PDS5A: variants seen among roughly 807,000 people sequenced by gnomAD.
PDS5A encodes the protein PDS5 cohesin associated factor A.
Under a neutral mutation model 167.1 loss-of-function variants are expected in PDS5A, and 42 were observed. The observed-to-expected ratio is 0.25, with a 90% confidence interval of 0.20 to 0.33. The LOEUF (loss-of-function observed/expected upper bound fraction) is 0.33, where lower values mean the gene tolerates loss of function less well. Among genes scored for constraint, PDS5A ranks in the 10% least tolerant of loss-of-function variants. The pLI is 1.00. For missense variants in PDS5A, 1,033 were observed against 1,605.9 expected, an observed-to-expected ratio of 0.64 and a Z score of 6.10; for synonymous variants, 553 against 554.6, an observed-to-expected ratio of 1.00 and a Z score of 0.04.
At chr4:39,881,890 C>T (rs1359799841) in intron 17 of PDS5A, among the ~76,000 whole-genome samples, 1 of 152,172 alleles carries the variant, frequency 6.6e-6, no homozygotes, top group Non-Finnish European at 1.5e-5. Context: ...AACATGGGGG[C>T]AGTTTCCTCC....
chr4:39,972,283 AGGCCGAGGTGGGC>A (rs1730622913), intron 2 of PDS5A, among the ~76,000 whole-genome samples: 1 of 151,990 alleles, frequency 6.6e-6, no homozygotes, highest in African/African-American at 2.4e-5. Context: ...GCACTTTGGG[AGGCCGAGGTGGGC>A]GGATCACGAG....
At position 39,845,883 on chromosome 4, in the gene PDS5A, A is replaced by AT; in HGVS notation, c.3340-4dup. On this transcript the variant is annotated splice_region_variant and splice_polypyrimidine_tract_variant and intron_variant, in intron 28 of 32. Transcript: ENST00000303538. ...TAACTCTTATCGTTACAGAAGTCCTATTAAAAAAAAAAAAGAAAAAGAAAA... is the reference window on the plus strand; with the variant it reads ...TAACTCTTATCGTTACAGAAGTCCTATTTAAAAAAAAAAAAGAAAAAGAAAA... 5 of 1,334,558 alleles carry AT rather than the reference A, an allele frequency of 3.7e-6. No homozygotes were observed. Among genetic ancestry groups the AT allele is most frequent in the Non-Finnish European group, 4.9e-6 (5 of 1,026,748 alleles). 82.7% of individuals were successfully genotyped at this position (1,334,558 alleles called of 1,614,324 possible). A position where few individuals can be genotyped will look rare whatever the true frequency, so the allele number is the denominator to read the frequency against.
chr4:39,931,963 C>T (rs1466034226), intron 2 of PDS5A, among the ~76,000 whole-genome samples: 1 of 150,748 alleles, frequency 6.6e-6, no homozygotes, highest in African/African-American at 2.4e-5. Context: ...ATGATCTTGG[C>T]TCACTGCAAT....
At chr4:39,956,149 T>C (rs1728905197) in intron 2 of PDS5A, among the ~76,000 whole-genome samples, 1 of 149,716 alleles carries the variant, frequency 6.7e-6, no homozygotes, top group Non-Finnish European at 1.5e-5. Context: ...TAAAAAACAG[T>C]ATAAGAAAAA....
At chr4:39,890,487 C>A in intron 16 of PDS5A, 123 bp from the exon 17 acceptor site, 1 of 573,250 alleles carries the variant, frequency 1.7e-6, no homozygotes, top group South Asian at 2.6e-5. Context: ...CTGCTCTAGA[C>A]CCTGACTAAA....
intron 2 of PDS5A, among the ~76,000 whole-genome samples, chr4:39,937,970 T>G (rs1016488345): frequency 3.9e-5 from 6 of 152,186 alleles, no homozygotes; most frequent in African/African-American, 1.4e-4. Context: ...GAGCTGTACC[T>G]AACCAGATTG....
At chr4:39,929,519 CTATATATATATA>C (rs58069502) in intron 2 of PDS5A, among the ~76,000 whole-genome samples, 16,224 of 79,418 alleles carry the variant, frequency 0.2, 1,493 homozygotes, top group South Asian at 0.32. Flanking sequence ...ACTTAATAAA[CTATATATATATA>C]TATATATATA....
At chr4:39,913,321 C>T (rs1010101887) in intron 9 of PDS5A, among the ~76,000 whole-genome samples, 2 of 152,016 alleles carry the variant, frequency 1.3e-5, no homozygotes, top group African/African-American at 2.4e-5. Context: ...TCAAGTGATC[C>T]GCCCACCTCA....
chr4:39,860,080 G>GA (rs1286155796), intron 26 of PDS5A, among the ~76,000 whole-genome samples: 6 of 149,874 alleles, frequency 4.0e-5, no homozygotes, highest in East Asian at 1.9e-4. Context: ...TAAAGAGAGA[G>GA]AAAAAAAAAG....
chr4:39,859,276 T>TA (rs1201202192), intron 26 of PDS5A, among the ~76,000 whole-genome samples: 3 of 152,082 alleles, frequency 2.0e-5, no homozygotes, highest in Non-Finnish European at 2.9e-5. Flanking sequence ...TTGAAAAACT[T>TA]AAAAAAACAA....
chr4:39,887,871 T>A (rs1011299288), intron 17 of PDS5A, among the ~76,000 whole-genome samples: 1 of 122,248 alleles, frequency 8.2e-6, no homozygotes, highest in South Asian at 3.3e-4. Flanking sequence ...AACAACTCAA[T>A]AGCAAAATAA....
chr4:39,937,696 T>C (rs1726760430), intron 2 of PDS5A, among the ~76,000 whole-genome samples: 1 of 152,188 alleles, frequency 6.6e-6, no homozygotes, highest in African/African-American at 2.4e-5. Flanking sequence ...TGTAAGCCAC[T>C]GTGTCCAGCC....
chr4:39,926,648 A>C, intron 4 of PDS5A, 127 bp downstream of exon 4: 1 of 615,236 alleles, frequency 1.6e-6, no homozygotes, highest in Non-Finnish European at 2.5e-6. Context: ...TCCTTATGAA[A>C]TGTAAAAGAC....
chr4:39,912,215 C>CT (rs1202938790), intron 9 of PDS5A, among the ~76,000 whole-genome samples: 1 of 152,168 alleles, frequency 6.6e-6, no homozygotes, highest in Non-Finnish European at 1.5e-5. Flanking sequence ...CAGACTGTGA[C>CT]TTGTTTCTAT....
At chr4:39,953,455 G>A (rs1728610744) in intron 2 of PDS5A, among the ~76,000 whole-genome samples, 3 of 151,540 alleles carry the variant, frequency 2.0e-5, no homozygotes, top group African/African-American at 4.8e-5. Context: ...AACACACTGG[G>A]AGTGGTGGCT....
Position 39,904,072 on chromosome 4 carries a change from C to A in PDS5A, c.1353G>T (p.Leu451=), listed in dbSNP as rs1284100065. The A allele has an allele frequency of 6.2e-7, 1 of 1,611,154 alleles. No individual in the cohort carries two copies. The highest frequency in any genetic ancestry group is 8.5e-7 in the Non-Finnish European group (1 of 1,178,366). The change falls in exon 12 of 33, where the codon CTG becomes CTT. Residue 451 remains leucine, a synonymous_variant. Coordinates refer to ENST00000303538, the MANE Select transcript of PDS5A (RefSeq NM_001100399.2). ...CAATGCTGTTCTGATAATAAATATG[C>A]AGAAGTTTGTCCTTTATCCAGCTGA... ...EKVSWIKDKL[L]HIYYQNSIDD... is the part of the protein sequence containing the mutation.
At position 39,903,659 on chromosome 4, in the gene PDS5A, A is replaced by G. The variant is rs78235625; in HGVS notation, c.1385+381T>C. On this transcript the variant is annotated intron_variant, in intron 12 of 32. Transcript: ENST00000303538. Reference sequence around the variant, plus strand: ...ATATTCATTATTTTATTTAATCTACATGATAATCCTGTGGGAAAGGCACTA... The same window carrying G: ...ATATTCATTATTTTATTTAATCTACGTGATAATCCTGTGGGAAAGGCACTA... Among the ~76,000 whole-genome samples the G allele has an allele frequency of 7.2e-3, 1,097 of 152,344 alleles. 13 individuals are homozygous for G. Among genetic ancestry groups the G allele is most frequent in the African/African-American group, 0.024 (1,012 of 41,580 alleles).
intron 2 of PDS5A, among the ~76,000 whole-genome samples, chr4:39,961,715 C>T (rs189704001): frequency 1.2e-4 from 19 of 152,164 alleles, no homozygotes; most frequent in Middle Eastern, 3.4e-3. Flanking sequence ...TTTTAATGTG[C>T]CAATAACCTC....
intron 5 of PDS5A, among the ~76,000 whole-genome samples, chr4:39,925,086 T>A (rs1725338010): frequency 6.6e-6 from 1 of 152,068 alleles, no homozygotes; most frequent in African/African-American, 2.4e-5. Flanking sequence ...CACTCCAGTA[T>A]GGGTGACAGA....
Sources: gnomAD v4.1 joint callset for allele counts (sites outside exome capture counted in the v4.1 genomes callset) on GRCh38, gnomAD v4.1.1 for gene constraint, MANE v1.5 for transcripts, NCBI Gene and HGNC (gene_info 2026-07-23, HGNC 2026-07-21) for gene names.